The following JHY variants were observed in gnomAD, a reference collection of about 807,000 sequenced individuals.
JHY encodes jhy protein homolog.
JHY carries 69 observed loss-of-function variants against 78.0 expected under a neutral mutation model. The observed-to-expected ratio is 0.88, with a 90% CI of 0.73 to 1.08. JHY has a LOEUF of 1.08. Among genes scored for constraint, JHY ranks in the 50% least tolerant of loss-of-function variants. JHY has a pLI of 0.00. For synonymous variants in JHY, 368 were observed against 342.6 expected (o/e 1.07, Z -0.82); for missense variants, 944 against 927.8 (o/e 1.02, Z -0.23).
chr11:122,920,512 T>C (rs1280047342), intron 3 of JHY, among the ~76,000 whole-genome samples: 1 of 152,242 alleles, frequency 6.6e-6, no homozygotes, highest in Non-Finnish European at 1.5e-5. Flanking sequence ...TCAGTGTGTC[T>C]TTACGCGGAT....
At chr11:122,933,699 G>T (rs1408730107) in intron 4 of JHY, among the ~76,000 whole-genome samples, 2 of 152,134 alleles carry the variant, frequency 1.3e-5, no homozygotes, top group African/African-American at 4.8e-5. Flanking sequence ...AATCTAATTT[G>T]TTTCATCTGG....
intron 2 of JHY, among the ~76,000 whole-genome samples, chr11:122,896,899 C>T (rs1862751367): frequency 6.6e-6 from 1 of 152,210 alleles, no homozygotes; most frequent in Admixed American, 6.5e-5. Flanking sequence ...CTCTATTGCC[C>T]AGGCTGGAGT....
At chr11:122,918,422 G>A (rs143747603) in intron 3 of JHY, among the ~76,000 whole-genome samples, 8 of 151,528 alleles carry the variant, frequency 5.3e-5, no homozygotes, top group Non-Finnish European at 7.4e-5. Context: ...GATTGCTGAG[G>A]TGTTGGGAAA....
intron 2 of JHY, 100 bp downstream of exon 2, chr11:122,886,293 A>C: frequency 2.6e-6 from 3 of 1,141,706 alleles, no homozygotes; most frequent in Non-Finnish European, 2.5e-6. Flanking sequence ...AGCTGCCCTA[A>C]TGAGCGCCGT....
chr11:122,962,624 G>A lies in JHY; in HGVS notation c.*3179G>A, dbSNP rs984921192. Among the ~76,000 whole-genome samples, 8 of 152,160 alleles carry A rather than the reference G, an allele frequency of 5.3e-5. No homozygotes were observed. The highest frequency in any genetic ancestry group is 9.7e-5 in the African/African-American group (4 of 41,444). On this transcript the variant is annotated 3_prime_UTR_variant, in exon 9 of 9. Transcript: ENST00000227349. ...TGAATAACCTTCATTAATTGTTTCC[G>A]AAATGGCCTTAAATTCGAACTTAAT... is the stretch of plus-strand genomic sequence containing the variant.
At chr11:122,950,975 A>G (rs1864073107) in intron 6 of JHY, among the ~76,000 whole-genome samples, 1 of 152,226 alleles carries the variant, frequency 6.6e-6, no homozygotes, top group South Asian at 2.1e-4. Flanking sequence ...ACAAATTCAC[A>G]GAAGTGCTCT....
chr11:122,899,913 TG>T (rs1465291900), intron 2 of JHY, among the ~76,000 whole-genome samples: 1 of 152,210 alleles, frequency 6.6e-6, no homozygotes, highest in Admixed American at 6.5e-5. Context: ...CGGACACTGC[TG>T]GACCCCATGT....
In JHY at chr11:122,923,479, C is replaced by T. The variant is rs542821848; in HGVS notation, c.865-1418C>T. Among the ~76,000 whole-genome samples, 10 of 152,264 alleles carry T rather than the reference C, an allele frequency of 6.6e-5. No individual in the cohort carries two copies. In the East Asian group the frequency reaches 1.9e-3, roughly 29 times the overall value. ...ACTGGATTATCTCCAGAATCTTTTC[C>T]AGCATTAAGATTGCATAACTTTAAG... On this transcript the variant is annotated intron_variant, in intron 3 of 8. Transcript: ENST00000227349.
intron 2 of JHY, among the ~76,000 whole-genome samples, chr11:122,888,077 T>A (rs564391308): frequency 6.6e-6 from 1 of 152,212 alleles, no homozygotes; most frequent in East Asian, 1.9e-4. Flanking sequence ...TGGGGCTATC[T>A]AGTTGAATCA....
rs113946401 is a variant in JHY at position 122,935,240 on chromosome 11, CTT to C, written c.1634+177_1634+178del. 7.0e-6 allele frequency among the ~76,000 whole-genome samples: 1 copy of C among 143,650 alleles called. No homozygotes were observed. The allele number at this position is 143,650 out of a possible 152,430, so 94.2% of individuals were successfully genotyped here. A position where few individuals can be genotyped will look rare whatever the true frequency, so the allele number is the denominator to read the frequency against. On this transcript the variant is annotated intron_variant, in intron 5 of 8. Coordinates refer to ENST00000227349, the MANE Select transcript of JHY (RefSeq NM_024806.4). This position sits in a 1 kb window ranked among gnomAD's most constrained non-coding sequence, Gnocchi z 4.5. ...TCTGATTCCTGCCTCAAAGAGTCCA[CTT>C]TTTTTTTTTTTAGACAGATTCTTGC...
chr11:122,886,307 T>C (rs551984049), intron 2 of JHY, 114 bp downstream of exon 2: 1 of 974,500 alleles, frequency 1.0e-6, no homozygotes, highest in East Asian at 2.6e-5. Flanking sequence ...GCGCCGTGTG[T>C]GAGACAGGTC....
rs1864329501 is a variant in JHY at position 122,962,174 on chromosome 11, A to C, written c.*2729A>C. On this transcript the variant is annotated 3_prime_UTR_variant, in exon 9 of 9. Transcript: ENST00000227349. ...TCTTAAAATCATTACTGGAGAGTTT[A>C]ATTTTCTACTTCCTTCCTTATATTA... Among the ~76,000 whole-genome samples, 1 of 152,232 alleles carries C rather than the reference A, an allele frequency of 6.6e-6. No individual in the cohort carries two copies. The highest frequency in any genetic ancestry group is 2.1e-4 in the South Asian group (1 of 4,834).
chr11:122,913,250 A>T (rs1371863556), intron 3 of JHY, among the ~76,000 whole-genome samples: 1 of 152,180 alleles, frequency 6.6e-6, no homozygotes, highest in Admixed American at 6.5e-5. Context: ...CTTGTATGCA[A>T]CTAGTTGACA....
At chr11:122,952,953 TTC>T (rs1565338800) in intron 6 of JHY, among the ~76,000 whole-genome samples, 2 of 152,230 alleles carry the variant, frequency 1.3e-5, no homozygotes, top group Non-Finnish European at 2.9e-5. Context: ...TCTGAGTTCA[TTC>T]ACCTATTGAA....
intron 5 of JHY, among the ~76,000 whole-genome samples, chr11:122,944,121 C>A (rs188814099): frequency 6.6e-6 from 1 of 152,010 alleles, no homozygotes; most frequent in African/African-American, 2.4e-5. Flanking sequence ...CACTTGAGCC[C>A]GTAAGTCAGA....
chr11:122,925,386 C>G (rs1225936838), intron 4 of JHY, among the ~76,000 whole-genome samples: 1 of 152,164 alleles, frequency 6.6e-6, no homozygotes, highest in Non-Finnish European at 1.5e-5. Context: ...CTTATTATTC[C>G]TAGACAATGG....
At chr11:122,887,943 G>A (rs2135279589) in intron 2 of JHY, among the ~76,000 whole-genome samples, 1 of 152,250 alleles carries the variant, frequency 6.6e-6, no homozygotes, top group African/African-American at 2.4e-5. Context: ...CAAATGATTT[G>A]TCCTTGGGAT....
chr11:122,891,786 G>A (rs116212132), intron 2 of JHY, among the ~76,000 whole-genome samples: 19 of 152,078 alleles, frequency 1.2e-4, no homozygotes, highest in African/African-American at 4.6e-4. Flanking sequence ...ATAGGTATAC[G>A]TAATTACTAG....
chr11:122,923,449 G>A (rs1347250815), intron 3 of JHY, among the ~76,000 whole-genome samples: 1 of 152,202 alleles, frequency 6.6e-6, no homozygotes, highest in African/African-American at 2.4e-5. Flanking sequence ...TGGATGTACT[G>A]GAGAACTGGA....
Sources: gnomAD v4.1 joint callset for allele counts (sites outside exome capture counted in the v4.1 genomes callset) on GRCh38, gnomAD v4.1.1 for gene constraint, Gnocchi (gnomAD v3.1) non-coding constraint, MANE v1.5 for transcripts, NCBI Gene and HGNC (gene_info 2026-07-23, HGNC 2026-07-21) for gene names.